MGAT5: variants seen among roughly 807,000 people sequenced by gnomAD.
MGAT5 encodes the protein alpha-1,6-mannosylglycoprotein 6-beta-N-acetylglucosaminyltransferase.
A neutral mutation model predicts 94.3 loss-of-function variants in MGAT5; 30 were observed. That is an observed-to-expected ratio of 0.32 (90% CI 0.24 to 0.43). The LOEUF (loss-of-function observed/expected upper bound fraction) is 0.43, where lower values mean the gene tolerates loss of function less well. MGAT5 is among the 20% of genes least tolerant of loss of function. The pLI is 1.00. For missense variants in MGAT5, 691 were observed against 905.5 expected, an observed-to-expected ratio of 0.76 and a Z score of 3.04; for synonymous variants, 310 against 322.9, an observed-to-expected ratio of 0.96 and a Z score of 0.43.
At chr2:134,187,066 A>G (rs980952691) in intron 1 of MGAT5, among the ~76,000 whole-genome samples, 4 of 152,170 alleles carry the variant, frequency 2.6e-5, no homozygotes, top group Non-Finnish European at 4.4e-5. Flanking sequence ...AGGCAGGAAC[A>G]AACTTGACCT....
intron 1 of MGAT5, among the ~76,000 whole-genome samples, chr2:134,259,379 C>G (rs1683179813): frequency 6.6e-6 from 1 of 152,182 alleles, no homozygotes; most frequent in African/African-American, 2.4e-5. Context: ...GCAGCCTGAC[C>G]CAAATTCTGA....
chr2:134,233,108 G>A (rs979003475), intron 1 of MGAT5, among the ~76,000 whole-genome samples: 15 of 152,152 alleles, frequency 9.9e-5, no homozygotes, highest in African/African-American at 3.6e-4. Context: ...TGTTTTCCAG[G>A]TATGTGTAAA....
At chr2:134,218,694 T>A (rs778523886) in intron 1 of MGAT5, among the ~76,000 whole-genome samples, 1 of 152,132 alleles carries the variant, frequency 6.6e-6, no homozygotes, top group Non-Finnish European at 1.5e-5. Context: ...GACTTCTGCA[T>A]TTTATCAGCC....
intron 1 of MGAT5, among the ~76,000 whole-genome samples, chr2:134,157,239 T>G (rs535506913): frequency 3.8e-4 from 58 of 152,344 alleles, no homozygotes; most frequent in Non-Finnish European, 6.8e-4. Context: ...TTTTTTGTTT[T>G]GACAGATATA....
intron 1 of MGAT5, among the ~76,000 whole-genome samples, chr2:134,149,293 G>A (rs1460486813): frequency 2.0e-5 from 3 of 152,174 alleles, no homozygotes; most frequent in African/African-American, 7.2e-5. Flanking sequence ...CAATGTACAA[G>A]ATCAGTGACA....
intron 15 of MGAT5, 46 bp from the exon 16 acceptor site, chr2:134,448,603 T>A: frequency 6.4e-7 from 1 of 1,573,578 alleles, no homozygotes; most frequent in East Asian, 2.2e-5. Flanking sequence ...GAGGAAAGGC[T>A]CTGTCCCTTC....
At chr2:134,421,970 C>G (rs957744040) in intron 12 of MGAT5, among the ~76,000 whole-genome samples, 8 of 151,772 alleles carry the variant, frequency 5.3e-5, no homozygotes, top group African/African-American at 1.9e-4. Context: ...GAGTTTGAGA[C>G]CCACCTGGGC....
At chr2:134,383,163 G>A (rs189235961) in intron 10 of MGAT5, among the ~76,000 whole-genome samples, 6 of 152,280 alleles carry the variant, frequency 3.9e-5, no homozygotes, top group African/African-American at 1.2e-4. Flanking sequence ...CAGAGACAGC[G>A]TTATAGTTTT....
At chr2:134,382,229 TG>T (rs1230159578) in intron 10 of MGAT5, among the ~76,000 whole-genome samples, 1 of 151,774 alleles carries the variant, frequency 6.6e-6, no homozygotes, top group Non-Finnish European at 1.5e-5. Flanking sequence ...TACTCCAGCC[TG>T]GGCAACAGCA....
At chr2:134,281,303 G>C (rs1188467416) in intron 2 of MGAT5, among the ~76,000 whole-genome samples, 2 of 152,154 alleles carry the variant, frequency 1.3e-5, no homozygotes, top group Non-Finnish European at 2.9e-5. Context: ...AAACACTGAT[G>C]TATCTTTTAT....
At chr2:134,170,204 T>A (rs150050529) in intron 1 of MGAT5, among the ~76,000 whole-genome samples, 1 of 152,348 alleles carries the variant, frequency 6.6e-6, no homozygotes, top group Non-Finnish European at 1.5e-5. Flanking sequence ...ATGCTGAGGA[T>A]TGTTTTCTAG....
intron 1 of MGAT5, among the ~76,000 whole-genome samples, chr2:134,222,875 A>G (rs139497763): frequency 1.1e-3 from 161 of 152,242 alleles, no homozygotes; most frequent in African/African-American, 3.7e-3. Flanking sequence ...AAGTTAAAAG[A>G]CTGACTTATT....
intron 14 of MGAT5, among the ~76,000 whole-genome samples, chr2:134,440,595 A>G (rs1179029436): frequency 1.3e-5 from 2 of 152,230 alleles, no homozygotes; most frequent in Non-Finnish European, 2.9e-5. Context: ...CTCAACACTG[A>G]GCTGGAATAA....
chr2:134,363,604 A>G (rs926188346), intron 10 of MGAT5, among the ~76,000 whole-genome samples: 3 of 152,206 alleles, frequency 2.0e-5, no homozygotes, highest in African/African-American at 4.8e-5. Flanking sequence ...TGCTACAAGC[A>G]TGTAGTGGGT....
intron 7 of MGAT5, among the ~76,000 whole-genome samples, chr2:134,344,074 A>T (rs1688783666): frequency 6.6e-6 from 1 of 152,186 alleles, no homozygotes; most frequent in African/African-American, 2.4e-5. Context: ...TTGAAGCAGG[A>T]TATCCATAAT....
chr2:134,323,490 C>G (rs1224553131), intron 4 of MGAT5, among the ~76,000 whole-genome samples: 4 of 152,086 alleles, frequency 2.6e-5, no homozygotes, highest in African/African-American at 4.8e-5. Context: ...AAACCTCTTG[C>G]CAACTCTAAA....
chr2:134,421,130 G>C (rs1684264870), intron 12 of MGAT5, among the ~76,000 whole-genome samples: 1 of 152,218 alleles, frequency 6.6e-6, no homozygotes, highest in Admixed American at 6.5e-5. Context: ...TGTTTTACTG[G>C]AGACTCTGAC....
chr2:134,342,302 T>A (rs1385112579), intron 7 of MGAT5, among the ~76,000 whole-genome samples: 2 of 152,164 alleles, frequency 1.3e-5, no homozygotes, highest in African/African-American at 4.8e-5. Context: ...TGTAATCCCT[T>A]CTATATTGGC....
chr2:134,346,484 C>T (rs1688930520), intron 8 of MGAT5, among the ~76,000 whole-genome samples: 1 of 152,034 alleles, frequency 6.6e-6, no homozygotes, highest in Non-Finnish European at 1.5e-5. Context: ...TATGGTGAAG[C>T]AAAGATTCCA....
Sources: gnomAD v4.1 joint callset for allele counts (sites outside exome capture counted in the v4.1 genomes callset) on GRCh38, gnomAD v4.1.1 for gene constraint, MANE v1.5 for transcripts, NCBI Gene and HGNC (gene_info 2026-07-23, HGNC 2026-07-21) for gene names.